Variants in CYP4F12 observed in about 807,000 individuals in gnomAD.
CYP4F12 encodes cytochrome P450 family 4 subfamily F member 12, also known as cytochrome P450 4F12.
In CYP4F12, 60 loss-of-function variants were observed where a neutral mutation model predicts 56.5. That is an observed-to-expected ratio of 1.06 (90% CI 0.86 to 1.32). The LOEUF (loss-of-function observed/expected upper bound fraction) is 1.32, where lower values mean the gene tolerates loss of function less well. CYP4F12 is among the 40% of genes most tolerant of loss of function. The pLI is 0.00. For missense variants in CYP4F12, 711 were observed against 683.5 expected (o/e 1.04, Z -0.45); for synonymous variants, 263 against 264.9 (o/e 0.99, Z 0.07).
At chr19:15,695,500 T>C (rs2008080467) in intron 9 of CYP4F12, among the ~76,000 whole-genome samples, 1 of 87,382 alleles carries the variant, frequency 1.1e-5, no homozygotes, top group Non-Finnish European at 2.1e-5. Context: ...AGTATAATAA[T>C]AATAAAAAAA....
intron 9 of CYP4F12, among the ~76,000 whole-genome samples, chr19:15,691,202 CT>C (rs1269196096): frequency 6.6e-6 from 1 of 152,176 alleles, no homozygotes; most frequent in Non-Finnish European, 1.5e-5. Flanking sequence ...TTTTGTGTAG[CT>C]GTATACTATT....
Position 15,684,888 on chromosome 19 carries a change from G to A in CYP4F12, c.985+6G>A, listed in dbSNP as rs770398853. The A allele has an allele frequency of 6.2e-7, 1 of 1,600,690 alleles. No homozygotes were observed. Among genetic ancestry groups the A allele is most frequent in the South Asian group, 1.1e-5 (1 of 88,194 alleles). On this transcript the variant is annotated splice_donor_region_variant and intron_variant, in intron 8 of 12. Coordinates refer to ENST00000550308, the MANE Select transcript of CYP4F12 (RefSeq NM_023944.4). ...TGACACCTTCATGTTTGGAGGTGAGGGTCCCAGTGTGGGACTACAGTGGAG... is the reference window on the plus strand; with the variant it reads ...TGACACCTTCATGTTTGGAGGTGAGAGTCCCAGTGTGGGACTACAGTGGAG...
intron 2 of CYP4F12, among the ~76,000 whole-genome samples, chr19:15,677,760 A>ATTCATTCCTCTC (rs2007047263): frequency 6.6e-6 from 1 of 151,734 alleles, no homozygotes; most frequent in African/African-American, 2.4e-5. Context: ...CTACCCATGC[A>ATTCATTCCTCTC]CTCATTCTTC....
intron 2 of CYP4F12, 110 bp downstream of exon 2, chr19:15,673,837 C>T (rs1193755468): frequency 1.6e-6 from 2 of 1,269,574 alleles, no homozygotes; most frequent in African/African-American, 1.5e-5. Context: ...GTCTGCGACC[C>T]CAGAGAAGCA....
At chr19:15,685,290 C>T (rs749979369) in intron 9 of CYP4F12, 93 bp downstream of exon 9, 26 of 1,532,356 alleles carry the variant, frequency 1.7e-5, no homozygotes, top group East Asian at 6.9e-5. Flanking sequence ...GTGGATTCTT[C>T]CACTATTGCT....
Position 15,684,844 on chromosome 19 carries a change from A to G in CYP4F12, c.947A>G (p.Glu316Gly). Residue 316 changes from glutamate (E) to glycine (G), a missense_variant, in exon 8 of 13, where the codon GAG becomes GGG. By Grantham distance (98) the Glu-to-Gly change is moderately conservative (BLOSUM62 -2). Transcript: ENST00000550308. The part of the protein sequence containing the change: ...KDEDGKALSD[E>G]DIRAEADTFM... Reference sequence around the variant, plus strand: ...GAAGATGGGAAGGCATTGTCAGATGAGGATATAAGAGCAGAGGCTGACACC... The same window carrying G: ...GAAGATGGGAAGGCATTGTCAGATGGGGATATAAGAGCAGAGGCTGACACC... 6.2e-7 allele frequency: 1 copy of G among 1,608,500 alleles called. No individual in the cohort carries two copies. The highest frequency in any genetic ancestry group is 1.1e-5 in the South Asian group (1 of 90,382).
intron 9 of CYP4F12, among the ~76,000 whole-genome samples, chr19:15,689,748 A>G (rs908692249): frequency 5.3e-5 from 8 of 152,234 alleles, no homozygotes; most frequent in Admixed American, 5.2e-4. Flanking sequence ...TGGCATATAT[A>G]CACAATGGAA....
At chr19:15,674,544 C>T (rs1224827639) in intron 2 of CYP4F12, among the ~76,000 whole-genome samples, 1 of 146,986 alleles carries the variant, frequency 6.8e-6, no homozygotes, top group African/African-American at 2.5e-5. Flanking sequence ...CTCACTCATT[C>T]CTCTCCTCAT....
At chr19:15,682,605 C>T (rs2285890) in intron 6 of CYP4F12, 95 bp downstream of exon 6, 130,971 of 1,553,560 alleles carry the variant, frequency 0.084, 13,440 homozygotes, top group East Asian at 0.58. Context: ...AAGTACCTTT[C>T]GGGAGGATTT....
Position 15,673,560 on chromosome 19 carries a change from C to T in CYP4F12, c.31C>T (p.Leu11Phe), listed in dbSNP as rs181648518. 6,636 of 1,614,052 alleles carry T rather than the reference C, an allele frequency of 4.1e-3. 29 individuals are homozygous for T. The highest frequency in any genetic ancestry group is 4.7e-3 in the Non-Finnish European group (5,546 of 1,180,016). Residue 11 changes from leucine to phenylalanine, a missense_variant, in exon 2 of 13, where the codon CTC becomes TTC. Physicochemically the swap from Leu to Phe is conservative, Grantham distance 22. Transcript: ENST00000550308. Reference sequence around the variant, plus strand: ...GCTGCTGAGCCTGCCCTGGCTGGGCCTCAGACCGGTGGCAACGTCCCCATG... The same window carrying T: ...GCTGCTGAGCCTGCCCTGGCTGGGCTTCAGACCGGTGGCAACGTCCCCATG... MSLLSLPWLGLRPVATSPWLL... is the reference protein window; with the variant it reads MSLLSLPWLGFRPVATSPWLL...
In CYP4F12 at chr19:15,683,536, C is replaced by T. The variant is rs1300435223; in HGVS notation, c.691C>T (p.Leu231Phe). The change falls in exon 7 of 13, where the codon CTT becomes TTT. Residue 231 changes from leucine (L) to phenylalanine (F), a missense_variant. Leu to Phe is a conservative substitution (Grantham distance 22, BLOSUM62 0). Transcript: ENST00000550308. Reference protein sequence around the residue: ...YIATILELSALVEKRSQHILQ... With the variant: ...YIATILELSAFVEKRSQHILQ... ...TGCCACCATCTTGGAGCTCAGTGCCCTTGTAGAGAAAAGAAGCCAGCATAT... is the reference window on the plus strand; with the variant it reads ...TGCCACCATCTTGGAGCTCAGTGCCTTTGTAGAGAAAAGAAGCCAGCATAT... 6.2e-7 allele frequency: 1 copy of T among 1,612,988 alleles called. No homozygotes were observed. The highest frequency in any genetic ancestry group is 1.1e-5 in the South Asian group (1 of 90,920).
In CYP4F12 at chr19:15,673,620, CT is replaced by C. The variant is rs1381192116; in HGVS notation, c.92del (p.Leu31ProfsTer36). 1.2e-6 allele frequency: 2 copies of C among 1,614,082 alleles called. No individual in the cohort carries two copies. The highest frequency in any genetic ancestry group is 1.7e-6 in the Non-Finnish European group (2 of 1,180,044). On this transcript the variant is annotated frameshift_variant, in exon 2 of 13. Coordinates refer to ENST00000550308, the MANE Select transcript of CYP4F12 (RefSeq NM_023944.4). LOFTEE classifies it high-confidence loss of function. ...GCTGCTGGTTGTGGGCTCCTGGCTA[CT>C]CGCCCGCATCCTGGCTTGGACCTAT... The part of the protein sequence containing the change: ...LLLLVVGSWL[L>X]ARILAWTYAF...
rs594255 is a variant in CYP4F12, at chr19:15,697,174, G to A, written c.*89G>A. On this transcript the variant is annotated 3_prime_UTR_variant, in exon 13 of 13. Coordinates refer to ENST00000550308, the MANE Select transcript of CYP4F12 (RefSeq NM_023944.4). ...GCCTGGGCCTCACTGACAGCCTGCA[G>A]GGGGCTCTTGGGGACTGGGAGGCTT... 0.25 allele frequency: 366,937 copies of A among 1,492,124 alleles called. 47,084 individuals carry two copies. The highest frequency in any genetic ancestry group is 0.4 in the African/African-American group (28,432 of 71,736). 92.4% of individuals were successfully genotyped at this position (1,492,124 alleles called of 1,614,324 possible).
At chr19:15,676,674 C>T (rs1339969548) in intron 2 of CYP4F12, among the ~76,000 whole-genome samples, 1 of 17,338 alleles carries the variant, frequency 5.8e-5, no homozygotes, top group Non-Finnish European at 1.2e-4. Flanking sequence ...TCCTCACTCA[C>T]TCATTCCTCT....
chr19:15,674,971 C>T (rs1372439952), intron 2 of CYP4F12, among the ~76,000 whole-genome samples: 1 of 152,214 alleles, frequency 6.6e-6, no homozygotes, highest in Non-Finnish European at 1.5e-5. Flanking sequence ...GGCCCATTTG[C>T]TTGTATCTGC....
At position 15,676,853 on chromosome 19, in the gene CYP4F12, C is replaced by G. The variant is rs1210478517; in HGVS notation, c.199-1408C>G. Among the ~76,000 whole-genome samples the G allele has an allele frequency of 2.7e-4, 4 of 14,622 alleles. 2 individuals are homozygous for G. Among genetic ancestry groups the G allele is most frequent in the African/African-American group, 8.2e-4 (4 of 4,894 alleles). The allele number at this position is 14,622 out of a possible 152,430, so 9.6% of individuals were successfully genotyped here. ...CACTCATTCCTCTCCTCACTCATTCCCTTCCTCCCATTCCTTTACCCACTC... is the reference window on the plus strand; with the variant it reads ...CACTCATTCCTCTCCTCACTCATTCGCTTCCTCCCATTCCTTTACCCACTC... On this transcript the variant is annotated intron_variant, in intron 2 of 12. Coordinates refer to ENST00000550308, the MANE Select transcript of CYP4F12 (RefSeq NM_023944.4).
intron 9 of CYP4F12, among the ~76,000 whole-genome samples, chr19:15,694,715 T>C (rs1453815015): frequency 6.6e-6 from 1 of 152,188 alleles, no homozygotes; most frequent in Non-Finnish European, 1.5e-5. Context: ...GGCCAGAACT[T>C]CCAACACTTT....
At chr19:15,678,612 G>A in intron 3 of CYP4F12, 1 of 612,670 alleles carries the variant, frequency 1.6e-6, no homozygotes. Context: ...CTTTCTGGAA[G>A]GAACCCCCAT....
At chr19:15,677,109 C>G (rs1228424104) in intron 2 of CYP4F12, among the ~76,000 whole-genome samples, 15 of 117,154 alleles carry the variant, frequency 1.3e-4, no homozygotes, top group African/African-American at 4.9e-4. Flanking sequence ...ACTCATTCCT[C>G]TGCTCACTCA....
Sources: gnomAD v4.1 joint callset for allele counts (sites outside exome capture counted in the v4.1 genomes callset) on GRCh38, gnomAD v4.1.1 for gene constraint, MANE v1.5 for transcripts, NCBI Gene and HGNC (gene_info 2026-07-23, HGNC 2026-07-21) for gene names.